The following EXOC4 variants were observed in gnomAD, a reference collection of about 807,000 sequenced individuals.
EXOC4 encodes exocyst complex component 4.
Under a neutral mutation model 107.2 loss-of-function variants are expected in EXOC4, and 71 were observed. The observed-to-expected ratio is 0.66, with a 90% CI of 0.55 to 0.81. The LOEUF (loss-of-function observed/expected upper bound fraction) is 0.81, where lower values mean the gene tolerates loss of function less well. Ranked by LOEUF, EXOC4 falls within the 30% of genes least tolerant of loss-of-function variation. The probability of loss-of-function intolerance (pLI) is 0.00; values close to 1 mark genes in which losing one functional copy is unlikely to be tolerated. For missense variants in EXOC4, 1,108 were observed against 1,189.6 expected, an observed-to-expected ratio of 0.93 and a Z score of 1.01; for synonymous variants, 456 against 441.2, an observed-to-expected ratio of 1.03 and a Z score of -0.42.
At chr7:133,776,587 T>A (rs1796349945) in intron 10 of EXOC4, among the ~76,000 whole-genome samples, 1 of 152,182 alleles carries the variant, frequency 6.6e-6, no homozygotes. Flanking sequence ...TACTCTTCTG[T>A]CTAATTTTTT....
Position 133,937,967 on chromosome 7 carries a change from C to T in EXOC4, c.2104C>T (p.Arg702Cys), listed in dbSNP as rs146653246. Reference sequence around the variant, plus strand: ...ATTAATCCCTCCACAAGACATCCTTCGTGACGTCAGTGACCTCAAAGCCTT... The same window carrying T: ...ATTAATCCCTCCACAAGACATCCTTTGTGACGTCAGTGACCTCAAAGCCTT... ...DKLIPPQDIL[R>C]DVSDLKALAN... The change falls in exon 14 of 18, where the codon CGT (arginine) becomes TGT (cysteine). Residue 702 changes from arginine to cysteine, a missense_variant. Coordinates refer to ENST00000253861, the MANE Select transcript of EXOC4 (RefSeq NM_021807.4). 112 of 1,614,072 alleles carry T rather than the reference C, an allele frequency of 6.9e-5. No homozygotes were observed. In the African/African-American group the frequency reaches 9.9e-4, roughly 14 times the overall value.
chr7:133,485,102 T>A (rs867679248), intron 9 of EXOC4, among the ~76,000 whole-genome samples: 7,168 of 132,788 alleles, frequency 0.054, 529 homozygotes, highest in African/African-American at 0.13. Context: ...AATAAATAAA[T>A]AAATAAATAA....
chr7:133,498,152 C>T (rs1477943989), intron 9 of EXOC4, among the ~76,000 whole-genome samples: 1 of 152,130 alleles, frequency 6.6e-6, no homozygotes, highest in South Asian at 2.1e-4. Context: ...TTCGGTGCAC[C>T]TGATTTTGTT....
At chr7:133,275,580 G>C (rs556572972) in intron 2 of EXOC4, among the ~76,000 whole-genome samples, 6 of 152,068 alleles carry the variant, frequency 3.9e-5, no homozygotes, top group Non-Finnish European at 8.8e-5. Flanking sequence ...TTGATTCAAT[G>C]CCTATTCTGA....
At chr7:133,470,647 A>G (rs572016226) in intron 7 of EXOC4, among the ~76,000 whole-genome samples, 4 of 152,278 alleles carry the variant, frequency 2.6e-5, no homozygotes, top group African/African-American at 9.6e-5. Context: ...TGACACACCC[A>G]TCAATTTTGA....
chr7:134,095,391 C>T, the EXOC4 span, among the ~76,000 whole-genome samples: 10 of 152,152 alleles, frequency 6.6e-5, no homozygotes, highest in African/African-American at 2.4e-4. Flanking sequence ...AATGGCCATA[C>T]TTTCCAGAGC....
intron 9 of EXOC4, among the ~76,000 whole-genome samples, chr7:133,566,323 T>C (rs918484437): frequency 6.6e-6 from 1 of 152,188 alleles, no homozygotes; most frequent in African/African-American, 2.4e-5. Context: ...AGAGTGATTA[T>C]TTCATGGGCT....
chr7:133,287,912 C>T (rs1794318222), intron 2 of EXOC4, among the ~76,000 whole-genome samples: 1 of 152,266 alleles, frequency 6.6e-6, no homozygotes, highest in African/African-American at 2.4e-5. Flanking sequence ...ATACGGTAGA[C>T]TCTTTGCACT....
chr7:133,553,415 C>G (rs1217597650), intron 9 of EXOC4, among the ~76,000 whole-genome samples: 2 of 152,236 alleles, frequency 1.3e-5, no homozygotes, highest in East Asian at 3.9e-4. Context: ...AGGCTTTTTG[C>G]TGTACCACCT....
chr7:133,575,840 C>T (rs1027543317), intron 9 of EXOC4, among the ~76,000 whole-genome samples: 6 of 152,110 alleles, frequency 3.9e-5, no homozygotes, highest in Admixed American at 3.9e-4. Context: ...TCCTTGGTCC[C>T]ATAAGGCCAG....
intron 10 of EXOC4, among the ~76,000 whole-genome samples, chr7:133,674,408 AT>A (rs1794011871): frequency 6.6e-6 from 1 of 152,156 alleles, no homozygotes; most frequent in Admixed American, 6.5e-5. Context: ...CACTTAATTT[AT>A]TTTAAATTTT....
intron 3 of EXOC4, among the ~76,000 whole-genome samples, chr7:133,304,192 T>C (rs73148916): frequency 0.15 from 22,876 of 152,262 alleles, 2,042 homozygotes; most frequent in Middle Eastern, 0.21. Context: ...TATTTTTCAT[T>C]TTCTGGATCT....
chr7:133,938,778 A>G (rs1800361974), intron 14 of EXOC4, among the ~76,000 whole-genome samples: 2 of 152,226 alleles, frequency 1.3e-5, no homozygotes, highest in Non-Finnish European at 2.9e-5. Context: ...AAAACATGAT[A>G]TGAAGAAGGC....
intron 10 of EXOC4, among the ~76,000 whole-genome samples, chr7:133,694,660 ATCAAG>A (rs1794493623): frequency 6.6e-6 from 1 of 152,206 alleles, no homozygotes; most frequent in Non-Finnish European, 1.5e-5. Context: ...ATGTGTAATG[ATCAAG>A]TCAAGGTAAT....
intron 10 of EXOC4, among the ~76,000 whole-genome samples, chr7:133,699,273 C>T (rs1794605053): frequency 6.6e-6 from 1 of 152,174 alleles, no homozygotes; most frequent in Non-Finnish European, 1.5e-5. Flanking sequence ...TGACACTTTC[C>T]TAGACTGAGT....
chr7:133,944,054 C>G (rs934008331), intron 14 of EXOC4, among the ~76,000 whole-genome samples: 1 of 152,200 alleles, frequency 6.6e-6, no homozygotes, highest in Admixed American at 6.5e-5. Context: ...ATCTCCTTAT[C>G]TCTCTCATCC....
chr7:134,002,431 G>A (rs567357317), intron 15 of EXOC4, among the ~76,000 whole-genome samples: 1 of 152,050 alleles, frequency 6.6e-6, no homozygotes, highest in Non-Finnish European at 1.5e-5. Context: ...CTTCTGAAAT[G>A]TGACACTAAA....
chr7:133,881,860 A>G (rs1306819035), intron 11 of EXOC4, among the ~76,000 whole-genome samples: 3 of 152,182 alleles, frequency 2.0e-5, no homozygotes, highest in Non-Finnish European at 2.9e-5. Flanking sequence ...TTAGAATAGC[A>G]ATACATCTAA....
At chr7:133,649,155 C>A (rs1008246785) in intron 10 of EXOC4, among the ~76,000 whole-genome samples, 4 of 152,106 alleles carry the variant, frequency 2.6e-5, no homozygotes, top group African/African-American at 7.2e-5. Flanking sequence ...ACTGGCATTG[C>A]AAACCCTTTT....
Sources: gnomAD v4.1 joint callset for allele counts (sites outside exome capture counted in the v4.1 genomes callset) on GRCh38, gnomAD v4.1.1 for gene constraint, MANE v1.5 for transcripts, NCBI Gene and HGNC (gene_info 2026-07-23, HGNC 2026-07-21) for gene names.